The following CPD variants were observed in gnomAD, a reference collection of about 807,000 sequenced individuals.
CPD encodes the protein metallocarboxypeptidase D.
CPD carries 69 observed loss-of-function variants against 138.3 expected under a neutral mutation model. The ratio of observed to expected loss-of-function variants is 0.50; its 90% CI spans 0.41 to 0.61. CPD has a LOEUF of 0.61. Ranked by LOEUF, CPD falls within the 20% of genes least tolerant of loss-of-function variation. CPD has a pLI of 0.00. For missense variants in CPD, 1,432 were observed against 1,733.3 expected (o/e 0.83, Z 3.09); for synonymous variants, 651 against 642.1 (o/e 1.01, Z -0.21).
intron 8 of CPD, among the ~76,000 whole-genome samples, chr17:30,437,181 G>C (rs1376540796): frequency 6.6e-6 from 1 of 152,020 alleles, no homozygotes; most frequent in Non-Finnish European, 1.5e-5. Flanking sequence ...GTTTCTTTTT[G>C]GGGTGATGAA....
chr17:30,418,359 T>C (rs960750704), intron 2 of CPD, among the ~76,000 whole-genome samples: 2 of 152,010 alleles, frequency 1.3e-5, no homozygotes, highest in African/African-American at 4.8e-5. Flanking sequence ...TTTTTTGTAT[T>C]TTTTGTAGAG....
At chr17:30,420,466 C>T (rs1437044916) in intron 2 of CPD, among the ~76,000 whole-genome samples, 1 of 152,118 alleles carries the variant, frequency 6.6e-6, no homozygotes, top group Non-Finnish European at 1.5e-5. Context: ...ATAGTAGTAT[C>T]TGCCTCATAT....
chr17:30,390,528 G>T (rs1246050934), intron 2 of CPD, among the ~76,000 whole-genome samples: 1 of 152,164 alleles, frequency 6.6e-6, no homozygotes, highest in African/African-American at 2.4e-5. Context: ...TACTGTATTA[G>T]GTGATGTACC....
At chr17:30,405,266 A>G (rs906920465) in intron 2 of CPD, among the ~76,000 whole-genome samples, 1 of 152,230 alleles carries the variant, frequency 6.6e-6, no homozygotes, top group Non-Finnish European at 1.5e-5. Flanking sequence ...GGAATAGTCA[A>G]TTATGTATTC....
intron 17 of CPD, among the ~76,000 whole-genome samples, chr17:30,458,042 A>C (rs1394893173): frequency 6.6e-6 from 1 of 152,036 alleles, no homozygotes; most frequent in Non-Finnish European, 1.5e-5. Flanking sequence ...AAATACAAAA[A>C]AATTAGCTGG....
chr17:30,421,161 G>C (rs1912255495), intron 3 of CPD, among the ~76,000 whole-genome samples, 178 bp downstream of exon 3: 1 of 152,014 alleles, frequency 6.6e-6, no homozygotes, highest in Non-Finnish European at 1.5e-5. Context: ...ACATATTCTA[G>C]CTCTGCTTCC....
rs1034821357 is a variant in CPD, at chr17:30,456,288, T to A, written c.3370T>A (p.Ser1124Thr). 1.9e-6 allele frequency: 3 copies of A among 1,614,136 alleles called. No individual in the cohort carries two copies. In the African/African-American group the frequency reaches 4.0e-5, roughly 22 times the overall value. ...ENKETLKHLA[S>T]LYANNHPSMH... ...TAAAGAGACTCTGAAGCATTTGGCA[T>A]CTCTTTATGCAAATAATCATCCATC... Residue 1124 changes from serine (S) to threonine (T), a missense_variant, in exon 16 of 21, where the codon TCT becomes ACT. Transcript: ENST00000225719.
intron 2 of CPD, among the ~76,000 whole-genome samples, chr17:30,402,557 C>T (rs1375431400): frequency 2.0e-5 from 3 of 152,180 alleles, no homozygotes; most frequent in Non-Finnish European, 4.4e-5. Flanking sequence ...CAGAGCGAGA[C>T]TCTGTCTCAA....
chr17:30,406,760 C>CA (rs1287932683), intron 2 of CPD, among the ~76,000 whole-genome samples: 13 of 151,782 alleles, frequency 8.6e-5, no homozygotes, highest in African/African-American at 2.4e-5. Context: ...TTTACATATG[C>CA]AAAAAAACCC....
At chr17:30,398,292 A>T (rs1480494422) in intron 2 of CPD, among the ~76,000 whole-genome samples, 1 of 152,170 alleles carries the variant, frequency 6.6e-6, no homozygotes, top group Non-Finnish European at 1.5e-5. Context: ...TCGCTTATTT[A>T]TGATTGTTAA....
intron 8 of CPD, among the ~76,000 whole-genome samples, chr17:30,433,709 C>T (rs1197042447): frequency 6.6e-6 from 1 of 152,204 alleles, no homozygotes; most frequent in African/African-American, 2.4e-5. Context: ...GCTCAGTTCC[C>T]ACTATGGTGA....
intron 17 of CPD, among the ~76,000 whole-genome samples, chr17:30,457,871 T>C (rs1324454418): frequency 1.3e-5 from 2 of 152,158 alleles, no homozygotes; most frequent in Admixed American, 6.5e-5. Context: ...TCTCCCTTTG[T>C]TGCCTAGGCT....
At chr17:30,463,441 TTTATA>T (rs2143516763) in intron 20 of CPD, among the ~76,000 whole-genome samples, 1 of 152,344 alleles carries the variant, frequency 6.6e-6, no homozygotes, top group East Asian at 1.9e-4. Context: ...AATGATTTGC[TTTATA>T]TTAAAGTCAT....
In CPD at chr17:30,431,679, T is replaced by C. The variant is rs1597723123; in HGVS notation, c.2018-93T>C. ...AAATTCTGCTTGGCAAATTTTATTG[T>C]TTTCTCTTCTCTGGCAGTATTCTGA... On this transcript the variant is annotated intron_variant, in intron 7 of 20. Coordinates refer to ENST00000225719, the MANE Select transcript of CPD (RefSeq NM_001304.5). 8 of 813,784 alleles carry C rather than the reference T, an allele frequency of 9.8e-6. No homozygotes were observed. In the East Asian group the frequency reaches 2.2e-4, roughly 22 times the overall value. The allele number at this position is 813,784 out of a possible 1,614,324, so 50.4% of individuals were successfully genotyped here.
intron 8 of CPD, among the ~76,000 whole-genome samples, chr17:30,433,089 T>C (rs148589053): frequency 6.6e-6 from 1 of 152,334 alleles, no homozygotes. Context: ...CACTCTCCAG[T>C]CACAGTCCTC....
intron 6 of CPD, among the ~76,000 whole-genome samples, chr17:30,426,199 CAAAAAAAAA>C (rs35054719): frequency 9.5e-6 from 1 of 105,458 alleles, no homozygotes; most frequent in Non-Finnish European, 2.0e-5. Flanking sequence ...GGCTCCGTCT[CAAAAAAAAA>C]AAAAAAAAAA....
intron 12 of CPD, among the ~76,000 whole-genome samples, chr17:30,446,825 T>G (rs2143478427): frequency 6.6e-6 from 1 of 152,326 alleles, no homozygotes; most frequent in South Asian, 2.1e-4. Flanking sequence ...CTCCACATCC[T>G]CTCCAGCACC....
At chr17:30,462,903 G>A (rs1289649579) in intron 20 of CPD, among the ~76,000 whole-genome samples, 1 of 151,906 alleles carries the variant, frequency 6.6e-6, no homozygotes, top group African/African-American at 2.4e-5. Flanking sequence ...TAAAGGGATG[G>A]GTTGGGCTAG....
At chr17:30,386,970 A>G (rs1311758827) in intron 2 of CPD, among the ~76,000 whole-genome samples, 1 of 152,248 alleles carries the variant, frequency 6.6e-6, no homozygotes, top group Non-Finnish European at 1.5e-5. Flanking sequence ...ATATATACCC[A>G]GGAGTAGAAT....
Sources: allele counts gnomAD v4.1 joint callset (sites outside exome capture counted in the v4.1 genomes callset), GRCh38; gene constraint gnomAD v4.1.1; transcripts MANE v1.5; gene names NCBI Gene and HGNC (gene_info 2026-07-23, HGNC 2026-07-21).